Variants in ABI3BP observed in about 807,000 individuals in gnomAD.
The protein encoded by ABI3BP is ABI family member 3 binding protein, also known as target of Nesh-SH3.
A neutral mutation model predicts 268.6 loss-of-function variants in ABI3BP; 216 were observed. That is an observed-to-expected ratio of 0.80 (90% confidence interval 0.72 to 0.90). The LOEUF (loss-of-function observed/expected upper bound fraction) is 0.90. ABI3BP is among the 40% of genes least tolerant of loss of function. ABI3BP has a pLI of 0.00. For synonymous variants in ABI3BP, 730 were observed against 730.0 expected, an observed-to-expected ratio of 1.00 and a Z score of 0.00; for missense variants, 2,090 against 2,182.4, an observed-to-expected ratio of 0.96 and a Z score of 0.84.
At chr3:100,937,529 G>A (rs1055643442) in intron 1 of ABI3BP, among the ~76,000 whole-genome samples, 1 of 152,054 alleles carries the variant, frequency 6.6e-6, no homozygotes, top group African/African-American at 2.4e-5. Flanking sequence ...CTTTTGTCTG[G>A]CATGCCGTTA....
In ABI3BP at chr3:100,808,112, C is replaced by G. The variant is rs759825451; in HGVS notation, c.3682+49G>C. ...ATTAATGAACAATTTGCTAGAATAA[C>G]CCCACTAACCTCAAACTTTTCAAGC... On this transcript the variant is annotated intron_variant, in intron 50 of 67. Transcript: ENST00000471714. 1.4e-5 allele frequency: 22 copies of G among 1,520,000 alleles called. No individual in the cohort carries two copies. In the South Asian group the frequency reaches 2.3e-4, roughly 16 times the overall value. The allele number at this position is 1,520,000 out of a possible 1,614,324, so 94.2% of individuals were successfully genotyped here.
At position 100,795,382 on chromosome 3, in the gene ABI3BP, C is replaced by T. The variant is rs550460705; in HGVS notation, c.3866-379G>A. 4.6e-5 allele frequency among the ~76,000 whole-genome samples: 7 copies of T among 152,126 alleles called. 1 individual carries two copies. The South Asian group carries it at 1.5e-3, about 32-fold the overall frequency. On this transcript the variant is annotated intron_variant, in intron 53 of 67. Transcript: ENST00000471714. Reference sequence around the variant, plus strand: ...TGTTGGTATCATCTCCTTGAGTCTGCTTGAGTAGACTCAAGTAACAAATCA... The same window carrying T: ...TGTTGGTATCATCTCCTTGAGTCTGTTTGAGTAGACTCAAGTAACAAATCA...
intron 57 of ABI3BP, among the ~76,000 whole-genome samples, chr3:100,787,146 T>C (rs2097074622): frequency 2.6e-5 from 4 of 152,124 alleles, no homozygotes; most frequent in Non-Finnish European, 1.5e-5. Context: ...ATTAGATCAG[T>C]GTCCTAGTTT....
At chr3:100,880,304 C>T (rs1263989629) in intron 6 of ABI3BP, among the ~76,000 whole-genome samples, 1 of 152,144 alleles carries the variant, frequency 6.6e-6, no homozygotes, top group African/African-American at 2.4e-5. Context: ...CCTTCTTAGT[C>T]ATTCCCTTGC....
At chr3:100,792,150 A>C (rs537383275) in intron 55 of ABI3BP, among the ~76,000 whole-genome samples, 1 of 152,052 alleles carries the variant, frequency 6.6e-6, no homozygotes, top group East Asian at 1.9e-4. Context: ...CTTCCCCAAA[A>C]GCAGAAAATC....
At chr3:100,961,891 C>A (rs1254544371) in intron 1 of ABI3BP, among the ~76,000 whole-genome samples, 1 of 152,114 alleles carries the variant, frequency 6.6e-6, no homozygotes, top group Non-Finnish European at 1.5e-5. Flanking sequence ...CCCATCACTG[C>A]AATAATATTC....
chr3:100,979,673 A>G (rs1483219720), intron 1 of ABI3BP, among the ~76,000 whole-genome samples: 1 of 152,208 alleles, frequency 6.6e-6, no homozygotes, highest in East Asian at 1.9e-4. Context: ...AGGGGTTATG[A>G]TGACTTTGGA....
chr3:100,773,077 C>CAAAAAAAAAAA (rs563600769), intron 61 of ABI3BP, among the ~76,000 whole-genome samples: 2 of 58,074 alleles, frequency 3.4e-5, no homozygotes, highest in Non-Finnish European at 3.7e-5. Context: ...GAGTCCATCT[C>CAAAAAAAAAAA]AAAAAAAAAA....
At position 100,839,573 on chromosome 3, in the gene ABI3BP, T is replaced by C. The variant is rs2098660992; in HGVS notation, c.1941A>G (p.Thr647=). The C allele has an allele frequency of 6.5e-7, 1 of 1,535,650 alleles. No homozygotes were observed. The highest frequency in any genetic ancestry group is 8.7e-7 in the Non-Finnish European group (1 of 1,146,656). ...ATIQPEPLVP[T]TASKPSERPK... The stretch of plus-strand genomic sequence containing the variant: ...TGGTGGAGGGAGTAGAATTACCAGT[T>C]GTGGGCACCAAGGGCTCCGGTTGTA... Residue 647 remains threonine (T), a synonymous_variant, in exon 24 of 68, where the codon ACA becomes ACG. Transcript: ENST00000471714.
At chr3:100,978,673 A>C (rs2087577141) in intron 1 of ABI3BP, among the ~76,000 whole-genome samples, 1 of 152,226 alleles carries the variant, frequency 6.6e-6, no homozygotes. Flanking sequence ...TTTTTTCTAC[A>C]GACATTTATC....
At chr3:100,791,008 T>G (rs2097183326) in intron 55 of ABI3BP, among the ~76,000 whole-genome samples, 2 of 151,876 alleles carry the variant, frequency 1.3e-5, no homozygotes, top group Admixed American at 6.6e-5. Context: ...TAAAAGAGCT[T>G]AAATATAATT....
At chr3:100,874,423 T>C (rs2099140423) in intron 9 of ABI3BP, among the ~76,000 whole-genome samples, 1 of 152,178 alleles carries the variant, frequency 6.6e-6, no homozygotes. Context: ...ACTGAACACA[T>C]AACCAGTTCT....
intron 2 of ABI3BP, chr3:100,911,514 C>T (rs1363970184): frequency 2.0e-6 from 1 of 498,160 alleles, no homozygotes; most frequent in Non-Finnish European, 3.7e-6. Context: ...TGCATATACT[C>T]CTTAATTCCT....
intron 23 of ABI3BP, 138 bp from the exon 24 acceptor site, chr3:100,839,754 T>A: frequency 1.0e-6 from 1 of 961,392 alleles, no homozygotes; most frequent in Non-Finnish European, 1.6e-6. Context: ...CAGTTCCCAT[T>A]TTCCTTTCTC....
intron 61 of ABI3BP, among the ~76,000 whole-genome samples, chr3:100,773,293 A>G (rs1162047111): frequency 6.6e-6 from 1 of 152,132 alleles, no homozygotes; most frequent in Non-Finnish European, 1.5e-5. Context: ...AAGCAACTCC[A>G]TTTTTTAAAA....
chr3:100,948,452 A>G (rs190249391), intron 1 of ABI3BP, among the ~76,000 whole-genome samples: 1 of 152,112 alleles, frequency 6.6e-6, no homozygotes, highest in East Asian at 1.9e-4. Context: ...TCCTTACTGC[A>G]AACAGAATGT....
At position 100,862,873 on chromosome 3, in the gene ABI3BP, GT is replaced by G; in HGVS notation, c.1174del (p.Thr392HisfsTer168). 6.5e-7 allele frequency: 1 copy of G among 1,535,762 alleles called. No individual in the cohort carries two copies. Among genetic ancestry groups the G allele is most frequent in the Non-Finnish European group, 8.7e-7 (1 of 1,146,718 alleles). On this transcript the variant is annotated frameshift_variant, in exon 13 of 68. Coordinates refer to ENST00000471714, the MANE Select transcript of ABI3BP (RefSeq NM_001375547.2). LOFTEE classifies it high-confidence loss of function. The part of the protein sequence containing the change: ...KSLPEFPEAK[T>X]PFPFEKPRGT... ...CCTAGGTTTCTCAAAAGGGAAGGGT[GT>G]TTTTGCCTCAGGAAATTCTGGAAGG...
At chr3:100,950,308 A>T (rs2074388325) in intron 1 of ABI3BP, among the ~76,000 whole-genome samples, 1 of 152,222 alleles carries the variant, frequency 6.6e-6, no homozygotes, top group Non-Finnish European at 1.5e-5. Flanking sequence ...ATTATGCTTG[A>T]TAGGAATTAA....
At chr3:100,988,474 G>A (rs1448544466) in intron 1 of ABI3BP, among the ~76,000 whole-genome samples, 3 of 152,092 alleles carry the variant, frequency 2.0e-5, no homozygotes, top group African/African-American at 4.8e-5. Flanking sequence ...CCTGGGCTCT[G>A]GGCCAGCAGC....
Sources: gnomAD v4.1 joint callset for allele counts (sites outside exome capture counted in the v4.1 genomes callset) on GRCh38, gnomAD v4.1.1 for gene constraint, MANE v1.5 for transcripts, NCBI Gene and HGNC (gene_info 2026-07-23, HGNC 2026-07-21) for gene names.